ABCA4: variants seen among roughly 807,000 people sequenced by gnomAD.
The protein encoded by ABCA4 is retinal-specific phospholipid-transporting ATPase ABCA4.
In ABCA4, 196 loss-of-function variants were observed where a neutral mutation model predicts 263.7. The ratio of observed to expected loss-of-function variants is 0.74; its 90% CI spans 0.66 to 0.84. The LOEUF is 0.84. Among genes scored for constraint, ABCA4 ranks in the 40% least tolerant of loss-of-function variants. The pLI is 0.00. For missense variants in ABCA4, 2,792 were observed against 2,855.1 expected, an observed-to-expected ratio of 0.98 and a Z score of 0.50; for synonymous variants, 1,133 against 1,094.2, an observed-to-expected ratio of 1.04 and a Z score of -0.70.
At chr1:94,055,710 C>A (rs1660958338) in intron 15 of ABCA4, among the ~76,000 whole-genome samples, 1 of 152,216 alleles carries the variant, frequency 6.6e-6, no homozygotes, top group Non-Finnish European at 1.5e-5. Flanking sequence ...TGCCACTTAT[C>A]CATTGTGATC....
At chr1:94,048,625 G>A (rs1408853596) in intron 18 of ABCA4, among the ~76,000 whole-genome samples, 1 of 152,222 alleles carries the variant, frequency 6.6e-6, no homozygotes, top group East Asian at 1.9e-4. Flanking sequence ...AAGGGCACAG[G>A]CACACTACAT....
chr1:94,079,600 T>C, intron 8 of ABCA4, 139 bp from the exon 9 acceptor site: 1 of 1,258,270 alleles, frequency 7.9e-7, no homozygotes, highest in Non-Finnish European at 1.1e-6. Context: ...TAATAGGCTG[T>C]ACCCCACCAA....
In ABCA4 at chr1:93,992,841, T is replaced by G; in HGVS notation, c.*396A>C. 1 of 313,300 alleles carries G rather than the reference T, an allele frequency of 3.2e-6. No homozygotes were observed. The allele number at this position is 313,300 out of a possible 1,614,324, so 19.4% of individuals were successfully genotyped here. On this transcript the variant is annotated 3_prime_UTR_variant, in exon 50 of 50. Coordinates refer to ENST00000370225, the MANE Select transcript of ABCA4 (RefSeq NM_000350.3). ...GGAGACTGTGAATTAGGATAGTTTG[T>G]GATGAGTGCATTTGCATTTTATTTT... is the stretch of plus-strand genomic sequence containing the variant.
intron 1 of ABCA4, among the ~76,000 whole-genome samples, chr1:94,120,038 A>G (rs912689165): frequency 6.6e-6 from 1 of 152,058 alleles, no homozygotes; most frequent in Non-Finnish European, 1.5e-5. Flanking sequence ...GCATTTGCAC[A>G]ACTCTGCAAG....
intron 1 of ABCA4, among the ~76,000 whole-genome samples, chr1:94,114,813 C>T (rs997828238): frequency 1.3e-5 from 2 of 152,198 alleles, no homozygotes; most frequent in Admixed American, 6.5e-5. Context: ...TAACACACAC[C>T]GCACTTCAGG....
At chr1:94,117,924 A>T (rs1056729086) in intron 1 of ABCA4, among the ~76,000 whole-genome samples, 2 of 152,188 alleles carry the variant, frequency 1.3e-5, no homozygotes, top group African/African-American at 4.8e-5. Context: ...GTCCCAGTGC[A>T]ATTATTAATA....
At chr1:94,061,753 G>A (rs1326064380) in intron 13 of ABCA4, among the ~76,000 whole-genome samples, 2 of 152,184 alleles carry the variant, frequency 1.3e-5, no homozygotes, top group African/African-American at 2.4e-5. Context: ...CCTATTGTCC[G>A]AACCCAAACT....
Position 94,021,357 on chromosome 1 carries a change from G to C in ABCA4, c.4901C>G (p.Ala1634Gly), listed in dbSNP as rs1422814365. 2.5e-6 allele frequency: 4 copies of C among 1,614,194 alleles called. No individual in the cohort carries two copies. The highest frequency in any genetic ancestry group is 3.4e-6 in the Non-Finnish European group (4 of 1,180,038). Residue 1634 changes from alanine to glycine, a missense_variant, in exon 35 of 50, where the codon GCC becomes GGC. Ala to Gly is a moderately conservative substitution (Grantham distance 60, BLOSUM62 0). Coordinates refer to ENST00000370225, the MANE Select transcript of ABCA4 (RefSeq NM_000350.3). ...GCTGGCCCGTAAGATGGCGTTGTGG[G>C]CCACATTGAGAAAGCTGACCAGGGC... is the stretch of plus-strand genomic sequence containing the variant. ...WHALVSFLNVAHNAILRASLP... is the reference protein window; with the variant it reads ...WHALVSFLNVGHNAILRASLP...
intron 11 of ABCA4, among the ~76,000 whole-genome samples, chr1:94,065,996 T>C (rs1483035519): frequency 6.6e-6 from 1 of 152,274 alleles, no homozygotes; most frequent in Non-Finnish European, 1.5e-5. Flanking sequence ...TAGCCTAACA[T>C]TGACCAGTCC....
chr1:94,042,979 G>A, intron 21 of ABCA4, 81 bp from the exon 22 acceptor site: 1 of 1,585,288 alleles, frequency 6.3e-7, no homozygotes, highest in South Asian at 1.1e-5. Flanking sequence ...TGGCATTGTG[G>A]GGGTACCTTA....
intron 6 of ABCA4, among the ~76,000 whole-genome samples, chr1:94,096,848 T>C (rs1557802558): frequency 6.6e-6 from 1 of 152,286 alleles, no homozygotes; most frequent in South Asian, 2.1e-4. Context: ...GACGAGAGGA[T>C]TGCACGAACC....
intron 11 of ABCA4, among the ~76,000 whole-genome samples, chr1:94,067,462 T>G (rs1661300332): frequency 1.3e-5 from 2 of 152,182 alleles, no homozygotes; most frequent in Admixed American, 6.5e-5. Flanking sequence ...GATACCTTGA[T>G]AATCTCTGGG....
chr1:94,080,608 C>T lies in ABCA4; in HGVS notation c.969G>A (p.Leu323=), dbSNP rs371139191. 2.8e-5 allele frequency: 46 copies of T among 1,614,190 alleles called. No homozygotes were observed. In the African/African-American group the frequency reaches 4.5e-4, roughly 16 times the overall value. Residue 323 remains leucine, a synonymous_variant, in exon 8 of 50, where the codon CTG becomes CTA. Coordinates refer to ENST00000370225, the MANE Select transcript of ABCA4 (RefSeq NM_000350.3). ...TKLMGILSDL[L]CGYPEGGGSR... ...AGCCACCTCCCTCGGGGTAGCCACA[C>T]AGGAGGTCAGACAGGATGCCCATCA...
At chr1:94,008,701 G>A in intron 41 of ABCA4, 50 bp downstream of exon 41, 2 of 1,612,918 alleles carry the variant, frequency 1.2e-6, no homozygotes, top group East Asian at 2.2e-5. Context: ...GCAACATCAT[G>A]CCAACTGTGG....
chr1:94,103,350 T>G (rs1662336206), intron 4 of ABCA4, among the ~76,000 whole-genome samples: 2 of 151,956 alleles, frequency 1.3e-5, no homozygotes, highest in South Asian at 4.2e-4. Flanking sequence ...CCCAATTTAG[T>G]AAGAAGGTGG....
chr1:94,082,932 A>T (rs1557796815), intron 7 of ABCA4, among the ~76,000 whole-genome samples: 1 of 152,280 alleles, frequency 6.6e-6, no homozygotes, highest in Non-Finnish European at 1.5e-5. Context: ...AAGCCAACAT[A>T]GGTAAAACAC....
chr1:94,044,297 G>T (rs1477489099), intron 20 of ABCA4, among the ~76,000 whole-genome samples: 1 of 152,180 alleles, frequency 6.6e-6, no homozygotes, highest in Non-Finnish European at 1.5e-5. Flanking sequence ...TCCTGTCTTT[G>T]GTCCCAGAGA....
At chr1:94,005,339 G>C (rs919406821) in intron 44 of ABCA4, 102 bp downstream of exon 44, 267 of 1,439,652 alleles carry the variant, frequency 1.9e-4, no homozygotes, top group Admixed American at 5.1e-5. Context: ...ATGAATGAAT[G>C]AATAGCACGC....
chr1:94,117,989 CTCTA>C (rs1362670008), intron 1 of ABCA4, among the ~76,000 whole-genome samples: 1 of 152,184 alleles, frequency 6.6e-6, no homozygotes, highest in Non-Finnish European at 1.5e-5. Flanking sequence ...TATATGGCCA[CTCTA>C]TCTTAGTGAT....
Sources: gnomAD v4.1 joint callset for allele counts (sites outside exome capture counted in the v4.1 genomes callset) on GRCh38, gnomAD v4.1.1 for gene constraint, MANE v1.5 for transcripts, NCBI Gene and HGNC (gene_info 2026-07-23, HGNC 2026-07-21) for gene names.